SDK1: variants seen among roughly 807,000 people sequenced by gnomAD.
SDK1 encodes the protein sidekick cell adhesion molecule 1, also known as protein sidekick-1.
In SDK1, 157 loss-of-function variants were observed where a neutral mutation model predicts 245.5. The ratio of observed to expected loss-of-function variants is 0.64; its 90% CI spans 0.56 to 0.73. The LOEUF (loss-of-function observed/expected upper bound fraction) is 0.73, where lower values mean the gene tolerates loss of function less well. Among genes scored for constraint, SDK1 ranks in the 30% least tolerant of loss-of-function variants. The pLI is 0.00. For synonymous variants in SDK1, 1,647 were observed against 1,278.5 expected, an observed-to-expected ratio of 1.29 and a Z score of -6.15; for missense variants, 3,583 against 3,002.3, an observed-to-expected ratio of 1.19 and a Z score of -4.52.
At position 4,265,249 on chromosome 7, in the gene SDK1, G is replaced by C. The variant is rs1241188403; in HGVS notation, c.6507G>C (p.Arg2169Ser). 1 of 1,604,288 alleles carries C rather than the reference G, an allele frequency of 6.2e-7. No homozygotes were observed. The highest frequency in any genetic ancestry group is 1.1e-5 in the South Asian group (1 of 90,808). Residue 2169 changes from arginine (R) to serine (S), a missense_variant, in exon 45 of 45, where the codon AGG becomes AGC. Arg to Ser is a moderately radical substitution (Grantham distance 110). Coordinates refer to ENST00000404826, the MANE Select transcript of SDK1 (RefSeq NM_152744.4). ...AGGGCCGCGCACCTGCGCCGCACAG[G>C]TACGAGGCGGTGGCGGGCTCCGAGG... ...RAQGRAPAPH[R>S]YEAVAGSEAG... is the part of the protein sequence containing the mutation.
At position 3,775,425 on chromosome 7, in the gene SDK1, T is replaced by A. The variant is rs1014433637; in HGVS notation, c.714-46025T>A. Among the ~76,000 whole-genome samples, 14 of 151,816 alleles carry A rather than the reference T, an allele frequency of 9.2e-5. 1 individual carries two copies. The highest frequency in any genetic ancestry group is 1.3e-4 in the Non-Finnish European group (9 of 67,990). On this transcript the variant is annotated intron_variant, in intron 4 of 44. Coordinates refer to ENST00000404826, the MANE Select transcript of SDK1 (RefSeq NM_152744.4). The stretch of plus-strand genomic sequence containing the variant: ...AACTTTCAAAGAAAGCCTTTTTTTT[T>A]ATTTTATTTTTTTTTTTCTATTTGA...
chr7:3,585,571 G>A (rs1278506443), intron 1 of SDK1, among the ~76,000 whole-genome samples: 1 of 152,146 alleles, frequency 6.6e-6, no homozygotes, highest in African/African-American at 2.4e-5. Flanking sequence ...AAGAGGAAGA[G>A]GAAGAGGGTC....
chr7:4,032,319 A>G (rs1787879349), intron 17 of SDK1, among the ~76,000 whole-genome samples: 1 of 152,236 alleles, frequency 6.6e-6, no homozygotes, highest in Non-Finnish European at 1.5e-5. Flanking sequence ...ATATGATAAA[A>G]TAGAAATGTA....
At chr7:4,165,789 C>T (rs1781463678) in intron 32 of SDK1, among the ~76,000 whole-genome samples, 1 of 151,532 alleles carries the variant, frequency 6.6e-6, no homozygotes, top group South Asian at 2.1e-4. Context: ...CATGCCCAGC[C>T]TTGTGTTTTC....
At chr7:3,884,406 T>A (rs374380254) in intron 5 of SDK1, among the ~76,000 whole-genome samples, 19 of 152,336 alleles carry the variant, frequency 1.2e-4, no homozygotes, top group African/African-American at 4.6e-4. Flanking sequence ...GCTTTGTTGT[T>A]TGATACTGTT....
At chr7:4,029,262 A>G in intron 17 of SDK1, among the ~76,000 whole-genome samples, 1 of 132,546 alleles carries the variant, frequency 7.5e-6, no homozygotes, top group African/African-American at 3.2e-5. Flanking sequence ...TCCAGGCTGG[A>G]GTGCAGTGGC....
At chr7:4,214,086 TC>T (rs1784655978) in intron 38 of SDK1, among the ~76,000 whole-genome samples, 1 of 152,164 alleles carries the variant, frequency 6.6e-6, no homozygotes, top group Non-Finnish European at 1.5e-5. Context: ...GAGATTGGGC[TC>T]AGAGCCACAA....
chr7:3,417,699 C>T (rs912520522), intron 1 of SDK1, among the ~76,000 whole-genome samples: 1 of 152,090 alleles, frequency 6.6e-6, no homozygotes, highest in South Asian at 2.1e-4. Flanking sequence ...GTCTTCTTTG[C>T]ATTGTTACAT....
At chr7:4,185,675 A>T (rs990649540) in intron 35 of SDK1, among the ~76,000 whole-genome samples, 6 of 152,270 alleles carry the variant, frequency 3.9e-5, no homozygotes, top group African/African-American at 1.4e-4. Context: ...AGAACATGCC[A>T]CGTACACAGC....
chr7:4,065,288 T>C (rs1279940442), intron 19 of SDK1, among the ~76,000 whole-genome samples: 2 of 152,132 alleles, frequency 1.3e-5, no homozygotes, highest in East Asian at 3.9e-4. Context: ...TGTAGTTAGT[T>C]CCACACCCAG....
At position 4,176,826 on chromosome 7, in the gene SDK1, A is replaced by T. The variant is rs929257362; in HGVS notation, c.4996+992A>T. On this transcript the variant is annotated intron_variant, in intron 34 of 44. Coordinates refer to ENST00000404826, the MANE Select transcript of SDK1 (RefSeq NM_152744.4). Reference sequence around the variant, plus strand: ...AGCAGGCATCAGAATCTGAGTCAAGACTGAATAATATCCCATCGAATGAAA... The same window carrying T: ...AGCAGGCATCAGAATCTGAGTCAAGTCTGAATAATATCCCATCGAATGAAA... 6.6e-5 allele frequency among the ~76,000 whole-genome samples: 10 copies of T among 152,224 alleles called. No homozygotes were observed. The East Asian group carries it at 1.9e-3, about 30-fold the overall frequency.
chr7:3,432,501 G>A (rs1254811092), intron 1 of SDK1, among the ~76,000 whole-genome samples: 2 of 152,134 alleles, frequency 1.3e-5, no homozygotes, highest in African/African-American at 4.8e-5. Context: ...AATGTAGTAG[G>A]AAGAAATAGT....
At chr7:3,316,811 C>T (rs1026082955) in intron 1 of SDK1, among the ~76,000 whole-genome samples, 1 of 152,102 alleles carries the variant, frequency 6.6e-6, no homozygotes, top group Non-Finnish European at 1.5e-5. Flanking sequence ...TATTTGTTTT[C>T]AATTGTATCC....
chr7:3,820,225 C>T (rs1443670009), intron 4 of SDK1, among the ~76,000 whole-genome samples: 1 of 152,194 alleles, frequency 6.6e-6, no homozygotes. Flanking sequence ...TCTCAGCTCA[C>T]TTCAGCCTCC....
intron 1 of SDK1, among the ~76,000 whole-genome samples, chr7:3,486,869 G>A (rs1247576016): frequency 6.6e-6 from 1 of 152,014 alleles, no homozygotes; most frequent in Non-Finnish European, 1.5e-5. Flanking sequence ...ATTACTCTCT[G>A]CCTCTCTTAA....
rs554849712 is a variant in SDK1 at position 3,640,162 on chromosome 7, A to G, written c.565+1052A>G. 2.7e-3 allele frequency among the ~76,000 whole-genome samples: 418 copies of G among 152,306 alleles called. 4 individuals are homozygous for G. The highest frequency in any genetic ancestry group is 9.7e-3 in the African/African-American group (403 of 41,564). ...AAGAGTGAGCTTGGCTTGTTTTACT[A>G]TATTTTGAATGTATTACCAAAATTT... On this transcript the variant is annotated intron_variant, in intron 3 of 44. Coordinates refer to ENST00000404826, the MANE Select transcript of SDK1 (RefSeq NM_152744.4).
At chr7:3,601,605 T>C (rs561338021) in intron 1 of SDK1, among the ~76,000 whole-genome samples, 8 of 152,066 alleles carry the variant, frequency 5.3e-5, no homozygotes, top group African/African-American at 1.7e-4. Context: ...TTATTTATTT[T>C]AGTCTTGCTA....
chr7:4,152,179 A>C (rs10951446), intron 30 of SDK1, among the ~76,000 whole-genome samples: 80,358 of 152,066 alleles, frequency 0.53, 21,523 homozygotes, highest in East Asian at 0.73. Flanking sequence ...GCAGCCAAGA[A>C]ATAAGGCAAT....
chr7:4,191,919 GA>G lies in SDK1; in HGVS notation c.5098+13335del, dbSNP rs1783230292. Among the ~76,000 whole-genome samples, 3 of 152,348 alleles carry G rather than the reference GA, an allele frequency of 2.0e-5. No individual in the cohort carries two copies. The East Asian group carries it at 5.8e-4, about 29-fold the overall frequency. On this transcript the variant is annotated intron_variant, in intron 35 of 44. Coordinates refer to ENST00000404826, the MANE Select transcript of SDK1 (RefSeq NM_152744.4). ...CCAACCCACTGTTGAGAGTGCACCA[GA>G]ACAGCAGATTTGAAAGGGCTTTGAC... is the stretch of plus-strand genomic sequence containing the variant.
Sources: allele counts gnomAD v4.1 joint callset (sites outside exome capture counted in the v4.1 genomes callset), GRCh38; gene constraint gnomAD v4.1.1; transcripts MANE v1.5; gene names NCBI Gene and HGNC (gene_info 2026-07-23, HGNC 2026-07-21).